ITGB2: variants seen among roughly 807,000 people sequenced by gnomAD.
ITGB2 encodes integrin beta-2.
ITGB2 carries 56 observed loss-of-function variants against 86.8 expected under a neutral mutation model. The ratio of observed to expected loss-of-function variants is 0.65; its 90% confidence interval spans 0.52 to 0.81. The LOEUF is 0.81. Ranked by LOEUF, ITGB2 falls within the 30% of genes least tolerant of loss-of-function variation. The pLI is 0.00. For missense variants in ITGB2, 948 were observed against 1,061.2 expected, an observed-to-expected ratio of 0.89 and a Z score of 1.48; for synonymous variants, 457 against 450.4, an observed-to-expected ratio of 1.01 and a Z score of -0.19.
intron 1 of ITGB2, among the ~76,000 whole-genome samples, chr21:44,915,303 C>G (rs1221739453): frequency 6.6e-6 from 1 of 152,122 alleles, no homozygotes; most frequent in Non-Finnish European, 1.5e-5. Context: ...GGATTACAGG[C>G]GTGAGCCACC....
At position 44,901,512 on chromosome 21, in the gene ITGB2, T is replaced by A; in HGVS notation, c.721A>T (p.Met241Leu). ...CTCACCGGGCAGGCGGCGACCTGCA[T>A]CATGGCGTCCAGCCCACCCTCGGGT... ...DAPEGGLDAM[M>L]QVAACPEEIG... Residue 241 changes from methionine to leucine, a missense_variant, in exon 6 of 16, where the codon ATG becomes TTG. By Grantham distance (15) the Met-to-Leu change is conservative (BLOSUM62 2). Coordinates refer to ENST00000652462, the MANE Select transcript of ITGB2 (RefSeq NM_000211.5). 1.9e-6 allele frequency: 3 copies of A among 1,614,188 alleles called. No individual in the cohort carries two copies. The highest frequency in any genetic ancestry group is 8.5e-7 in the Non-Finnish European group (1 of 1,180,034).
At chr21:44,901,325 C>T (rs577320596) in intron 6 of ITGB2, among the ~76,000 whole-genome samples, 167 bp downstream of exon 6, 20 of 152,356 alleles carry the variant, frequency 1.3e-4, no homozygotes, top group Admixed American at 1.2e-3. Context: ...TCCTCCTGCC[C>T]TTTCCTGCAT....
Position 44,886,380 on chromosome 21 carries a change from A to G in ITGB2, c.2298T>C (p.Phe766=). The G allele has an allele frequency of 6.2e-7, 1 of 1,614,118 alleles. No individual in the cohort carries two copies. Among genetic ancestry groups the G allele is most frequent in the South Asian group, 1.1e-5 (1 of 91,076 alleles). The change falls in exon 16 of 16, where the codon TTT becomes TTC. Residue 766 remains phenylalanine (F), a synonymous_variant. Transcript: ENST00000652462. The part of the protein sequence containing the change: ...SATTTVMNPK[F]AES The stretch of plus-strand genomic sequence containing the variant: ...TCACCAAGTGCTCCTAACTCTCAGC[A>G]AACTTGGGGTTCATGACCGTCGTGG...
intron 1 of ITGB2, among the ~76,000 whole-genome samples, chr21:44,919,784 ACAGCAGGG>A (rs935880743): frequency 3.4e-4 from 51 of 152,158 alleles, no homozygotes; most frequent in Non-Finnish European, 6.3e-4. Flanking sequence ...ATGGACAGGG[ACAGCAGGG>A]CAGAATCCCA....
intron 8 of ITGB2, 68 bp downstream of exon 8, chr21:44,898,999 C>T (rs1357372236): frequency 1.2e-5 from 15 of 1,273,160 alleles, no homozygotes; most frequent in Middle Eastern, 1.8e-4. Flanking sequence ...CCTGCAGTGG[C>T]GCTGGGTCTG....
intron 3 of ITGB2, among the ~76,000 whole-genome samples, chr21:44,909,163 C>G (rs1433504534): frequency 1.3e-5 from 2 of 152,228 alleles, no homozygotes; most frequent in Non-Finnish European, 2.9e-5. Flanking sequence ...ACCTCACCAG[C>G]CCACAGTGGC....
chr21:44,913,699 G>A (rs1407267582), intron 1 of ITGB2, among the ~76,000 whole-genome samples: 1 of 152,230 alleles, frequency 6.6e-6, no homozygotes, highest in East Asian at 1.9e-4. Context: ...CCTTCTGTGG[G>A]AGAACAGGGC....
intron 11 of ITGB2, 89 bp downstream of exon 11, chr21:44,891,720 G>A: frequency 7.0e-7 from 1 of 1,433,548 alleles, no homozygotes; most frequent in Non-Finnish European, 9.6e-7. Context: ...GGGAAGGGAT[G>A]GAGCCACCTG....
Position 44,893,333 on chromosome 21 carries a change from C to T in ITGB2, c.1224+71G>A. 5 of 1,587,994 alleles carry T rather than the reference C, an allele frequency of 3.1e-6. No individual in the cohort carries two copies. The Middle Eastern group carries it at 6.4e-4, about 202-fold the overall frequency. On this transcript the variant is annotated intron_variant, in intron 10 of 15. Coordinates refer to ENST00000652462, the MANE Select transcript of ITGB2 (RefSeq NM_000211.5). ...ACCCCTCAGTGTGCTGGGATGGGGA[C>T]CCTGGCTCCTTCTGGCTGTCCCCAG...
intron 4 of ITGB2, among the ~76,000 whole-genome samples, chr21:44,904,277 A>G (rs911773435): frequency 6.6e-6 from 1 of 151,976 alleles, no homozygotes. Context: ...CCTGGGAGAA[A>G]GGGTATGTGC....
At chr21:44,886,984 C>G (rs2083709745) in intron 14 of ITGB2, 82 bp from the exon 15 acceptor site, 1 of 1,541,060 alleles carries the variant, frequency 6.5e-7, no homozygotes. Flanking sequence ...GGTCACCCCA[C>G]AACACAGCAC....
rs1392576253 is a variant in ITGB2 at position 44,901,803 on chromosome 21, G to A, written c.500-70C>T. 4 of 1,524,190 alleles carry A rather than the reference G, an allele frequency of 2.6e-6. No individual in the cohort carries two copies. The African/African-American group carries it at 4.1e-5, about 16-fold the overall frequency. 94.4% of individuals were successfully genotyped at this position (1,524,190 alleles called of 1,614,324 possible). A position where few individuals can be genotyped will look rare whatever the true frequency, so the allele number is the denominator to read the frequency against. On this transcript the variant is annotated intron_variant, in intron 5 of 15. Transcript: ENST00000652462. ...AGGTGGGAGGGCCAGCTTCAAAGGG[G>A]CACGAGGGCAAGCCTGTTTCCTCTC...
At chr21:44,901,309 C>T (rs769750180) in intron 6 of ITGB2, among the ~76,000 whole-genome samples, 183 bp downstream of exon 6, 14 of 152,220 alleles carry the variant, frequency 9.2e-5, no homozygotes, top group Non-Finnish European at 1.8e-4. Flanking sequence ...CGTGGTCACC[C>T]TCCCTTCCTC....
chr21:44,888,955 G>A (rs1045332352), intron 13 of ITGB2, 60 bp from the exon 14 acceptor site: 54 of 1,526,156 alleles, frequency 3.5e-5, no homozygotes, highest in Non-Finnish European at 4.6e-5. Flanking sequence ...GGCAACGGGG[G>A]CTCGGGCTTG....
chr21:44,903,643 C>T (rs1365371667), intron 4 of ITGB2, 108 bp from the exon 5 acceptor site: 2 of 1,305,196 alleles, frequency 1.5e-6, no homozygotes, highest in African/African-American at 1.5e-5. Flanking sequence ...TCCTCCAGCC[C>T]CCAAATCCTC....
intron 14 of ITGB2, 128 bp from the exon 15 acceptor site, chr21:44,887,030 C>G: frequency 3.7e-6 from 4 of 1,094,380 alleles, no homozygotes; most frequent in Non-Finnish European, 5.4e-6. Flanking sequence ...CCCGGCTCAC[C>G]ATCCATCACC....
chr21:44,899,209 G>A, intron 7 of ITGB2, 47 bp from the exon 8 acceptor site: 2 of 1,408,470 alleles, frequency 1.4e-6, no homozygotes, highest in Non-Finnish European at 2.0e-6. Flanking sequence ...CCAGGACAAG[G>A]CTTCCAGGTA....
At chr21:44,894,927 C>T in intron 9 of ITGB2, 44 bp downstream of exon 9, 1 of 1,346,786 alleles carries the variant, frequency 7.4e-7, no homozygotes, top group Non-Finnish European at 1.1e-6. Context: ...GGGGAGATTG[C>T]TGGCCACCCC....
intron 6 of ITGB2, 98 bp from the exon 7 acceptor site, chr21:44,900,573 G>A (rs36082126): frequency 0.018 from 26,707 of 1,475,610 alleles, 428 homozygotes; most frequent in South Asian, 0.065. Flanking sequence ...GGGGTGGCCC[G>A]GAGGCTGGTG....
Sources: gnomAD v4.1 joint callset for allele counts (sites outside exome capture counted in the v4.1 genomes callset) on GRCh38, gnomAD v4.1.1 for gene constraint, MANE v1.5 for transcripts, NCBI Gene and HGNC (gene_info 2026-07-23, HGNC 2026-07-21) for gene names.